ADAMTS3: variants seen among roughly 807,000 people sequenced by gnomAD.
ADAMTS3 encodes the protein A disintegrin and metalloproteinase with thrombospondin motifs 3.
A neutral mutation model predicts 129.0 loss-of-function variants in ADAMTS3; 73 were observed. The observed-to-expected ratio is 0.57, with a 90% confidence interval of 0.47 to 0.69. The LOEUF (loss-of-function observed/expected upper bound fraction) is 0.69. Among genes scored for constraint, ADAMTS3 ranks in the 30% least tolerant of loss-of-function variants. The pLI is 0.00. For missense variants in ADAMTS3, 1,457 were observed against 1,514.5 expected, an observed-to-expected ratio of 0.96 and a Z score of 0.63; for synonymous variants, 477 against 510.8, an observed-to-expected ratio of 0.93 and a Z score of 0.89.
intron 4 of ADAMTS3, among the ~76,000 whole-genome samples, chr4:72,362,673 A>T (rs570024374): frequency 2.5e-4 from 38 of 152,244 alleles, no homozygotes; most frequent in African/African-American, 8.7e-4. Context: ...GTTCCTTCTA[A>T]CATTTCTTTC....
chr4:72,335,796 T>G (rs1400838041), intron 5 of ADAMTS3, among the ~76,000 whole-genome samples: 1 of 152,182 alleles, frequency 6.6e-6, no homozygotes, highest in African/African-American at 2.4e-5. Context: ...CTGCTCCCAT[T>G]ATATCATTGC....
At chr4:72,288,968 A>ACG in intron 20 of ADAMTS3, 100 bp from the exon 21 acceptor site, 1 of 738,996 alleles carries the variant, frequency 1.4e-6, no homozygotes, top group Non-Finnish European at 2.3e-6. Flanking sequence ...ACACACACAC[A>ACG]AAGACACAGA....
At chr4:72,393,297 G>A (rs1721646873) in intron 4 of ADAMTS3, among the ~76,000 whole-genome samples, 1 of 152,088 alleles carries the variant, frequency 6.6e-6, no homozygotes, top group Non-Finnish European at 1.5e-5. Context: ...TGTTAGATTA[G>A]GATTGGAGTC....
chr4:72,463,033 A>C (rs1334944643), intron 3 of ADAMTS3, among the ~76,000 whole-genome samples: 1 of 151,994 alleles, frequency 6.6e-6, no homozygotes, highest in East Asian at 1.9e-4. Context: ...AGCTCCATTC[A>C]TGACAGGTGA....
intron 4 of ADAMTS3, among the ~76,000 whole-genome samples, chr4:72,342,719 T>C (rs1720171635): frequency 6.6e-6 from 1 of 152,110 alleles, no homozygotes. Flanking sequence ...CTAAGATTGA[T>C]CTTTTGAGAT....
intron 3 of ADAMTS3, among the ~76,000 whole-genome samples, chr4:72,525,455 T>C (rs958458696): frequency 7.2e-5 from 11 of 152,188 alleles, no homozygotes; most frequent in Non-Finnish European, 1.6e-4. Flanking sequence ...GACATGTAAG[T>C]CATGCTGTAG....
At chr4:72,308,465 C>A (rs968054022) in intron 15 of ADAMTS3, among the ~76,000 whole-genome samples, 1 of 151,792 alleles carries the variant, frequency 6.6e-6, no homozygotes, top group Non-Finnish European at 1.5e-5. Flanking sequence ...TTAACGTAAA[C>A]CATATTTCTT....
chr4:72,333,828 G>GTTGT (rs1198195793), intron 5 of ADAMTS3, among the ~76,000 whole-genome samples: 1 of 127,122 alleles, frequency 7.9e-6, no homozygotes, highest in African/African-American at 2.9e-5. Flanking sequence ...TTTTGTTGTT[G>GTTGT]TTGTTTGTTT....
intron 3 of ADAMTS3, among the ~76,000 whole-genome samples, chr4:72,530,002 TA>T (rs1201797883): frequency 2.6e-4 from 2 of 7,692 alleles, no homozygotes; most frequent in African/African-American, 1.4e-3. Flanking sequence ...TATTTATATA[TA>T]ATATATAATA....
intron 10 of ADAMTS3, among the ~76,000 whole-genome samples, chr4:72,317,948 G>C (rs1243696947): frequency 6.6e-6 from 1 of 151,822 alleles, no homozygotes; most frequent in Non-Finnish European, 1.5e-5. Flanking sequence ...AGAATTGCTT[G>C]AACTCAGGAG....
intron 16 of ADAMTS3, among the ~76,000 whole-genome samples, chr4:72,305,155 G>A (rs1029919582): frequency 6.6e-6 from 1 of 151,878 alleles, no homozygotes; most frequent in Non-Finnish European, 1.5e-5. Context: ...AGTAAGTTAT[G>A]TTTACACTTG....
At chr4:72,456,858 A>T (rs1284527067) in intron 3 of ADAMTS3, among the ~76,000 whole-genome samples, 3 of 151,598 alleles carry the variant, frequency 2.0e-5, no homozygotes, top group Non-Finnish European at 4.4e-5. Context: ...TAGTGCCCCA[A>T]GCCAACACAG....
At chr4:72,482,904 C>T (rs1389226704) in intron 3 of ADAMTS3, among the ~76,000 whole-genome samples, 1 of 151,964 alleles carries the variant, frequency 6.6e-6, no homozygotes, top group Non-Finnish European at 1.5e-5. Flanking sequence ...ATAAAAAAAC[C>T]CATGACCATC....
At chr4:72,470,998 G>A (rs1263009414) in intron 3 of ADAMTS3, among the ~76,000 whole-genome samples, 1 of 152,116 alleles carries the variant, frequency 6.6e-6, no homozygotes, top group East Asian at 1.9e-4. Context: ...AAGATCACTT[G>A]CACAAATGTT....
At chr4:72,560,114 G>C (rs1374580467) in intron 2 of ADAMTS3, among the ~76,000 whole-genome samples, 1 of 149,528 alleles carries the variant, frequency 6.7e-6, no homozygotes, top group Non-Finnish European at 1.5e-5. Flanking sequence ...GGTATTGGGA[G>C]AACTGGCTAG....
intron 4 of ADAMTS3, among the ~76,000 whole-genome samples, chr4:72,369,919 C>T (rs1000853750): frequency 2.0e-5 from 3 of 152,054 alleles, no homozygotes; most frequent in African/African-American, 7.2e-5. Context: ...ATGTTCTTTT[C>T]CACCACTTTC....
intron 3 of ADAMTS3, among the ~76,000 whole-genome samples, chr4:72,489,423 C>T (rs1333700299): frequency 1.3e-5 from 2 of 151,956 alleles, no homozygotes; most frequent in Non-Finnish European, 2.9e-5. Flanking sequence ...AATCTAATGT[C>T]ATCTAGCTCT....
rs910677508 is a variant in ADAMTS3 at position 72,288,673 on chromosome 4, A to G, written c.3049+78T>C. 6 of 907,492 alleles carry G rather than the reference A, an allele frequency of 6.6e-6. No homozygotes were observed. In the Admixed American group the frequency reaches 7.8e-5, roughly 12 times the overall value. The allele number at this position is 907,492 out of a possible 1,614,324, so 56.2% of individuals were successfully genotyped here. A position where few individuals can be genotyped will look rare whatever the true frequency, so the allele number is the denominator to read the frequency against. On this transcript the variant is annotated intron_variant, in intron 21 of 21. Coordinates refer to ENST00000286657, the MANE Select transcript of ADAMTS3 (RefSeq NM_014243.3). ...ATCAGTAAACAAATATAAATTCTAT[A>G]ACTTCTCTCAAAAGGAAATTCTGCT...
At chr4:72,530,589 TA>T (rs1720994071) in intron 3 of ADAMTS3, among the ~76,000 whole-genome samples, 2 of 82,320 alleles carry the variant, frequency 2.4e-5, no homozygotes, top group South Asian at 3.8e-4. Context: ...ATATTAAATA[TA>T]TATTAATATT....
Sources: gnomAD v4.1 joint callset for allele counts (sites outside exome capture counted in the v4.1 genomes callset) on GRCh38, gnomAD v4.1.1 for gene constraint, MANE v1.5 for transcripts, NCBI Gene and HGNC (gene_info 2026-07-23, HGNC 2026-07-21) for gene names.